Variants in RALGPS1 observed in about 807,000 individuals in gnomAD.
RALGPS1 encodes Ral GEF with PH domain and SH3 binding motif 1, also known as ras-specific guanine nucleotide-releasing factor RalGPS1.
Under a neutral mutation model 78.8 loss-of-function variants are expected in RALGPS1, and 19 were observed. The ratio of observed to expected loss-of-function variants is 0.24; its 90% CI spans 0.17 to 0.35. The LOEUF (loss-of-function observed/expected upper bound fraction) is 0.35, where lower values mean the gene tolerates loss of function less well. Ranked by LOEUF, RALGPS1 falls within the 10% of genes least tolerant of loss-of-function variation. The pLI is 1.00. For missense variants in RALGPS1, 454 were observed against 688.3 expected (o/e 0.66, Z 3.81); for synonymous variants, 228 against 256.3 (o/e 0.89, Z 1.06).
intron 7 of RALGPS1, among the ~76,000 whole-genome samples, chr9:127,056,935 A>T (rs926593455): frequency 3.3e-5 from 5 of 152,160 alleles, no homozygotes; most frequent in Non-Finnish European, 7.3e-5. Context: ...GGGAGACCTC[A>T]TGTGCCACAG....
chr9:126,984,772 A>T (rs1041723327), intron 4 of RALGPS1, among the ~76,000 whole-genome samples: 2 of 152,164 alleles, frequency 1.3e-5, no homozygotes, highest in African/African-American at 2.4e-5. Context: ...GCCCAACAAG[A>T]TCCCCAGGGT....
At chr9:127,054,203 G>A (rs2048526072) in intron 7 of RALGPS1, among the ~76,000 whole-genome samples, 1 of 152,206 alleles carries the variant, frequency 6.6e-6, no homozygotes, top group Non-Finnish European at 1.5e-5. Context: ...CTTAGCAGTT[G>A]CTGCCAGCCC....
intron 10 of RALGPS1, among the ~76,000 whole-genome samples, chr9:127,172,211 G>A (rs1211674191): frequency 6.6e-6 from 1 of 152,220 alleles, no homozygotes; most frequent in Non-Finnish European, 1.5e-5. Context: ...GTCTGTGTTG[G>A]ACTAGACCCG....
chr9:127,153,836 A>C, intron 8 of RALGPS1, among the ~76,000 whole-genome samples: 1 of 152,160 alleles, frequency 6.6e-6, no homozygotes, highest in East Asian at 1.9e-4. Flanking sequence ...AATTGAGTAA[A>C]ATTGCTGCTG....
chr9:127,145,010 A>G (rs1434562443), intron 8 of RALGPS1, among the ~76,000 whole-genome samples: 1 of 152,222 alleles, frequency 6.6e-6, no homozygotes, highest in Non-Finnish European at 1.5e-5. Flanking sequence ...AAAAATAATA[A>G]TAATATAGGT....
At chr9:127,045,148 T>C (rs1260978879) in intron 5 of RALGPS1, among the ~76,000 whole-genome samples, 2 of 152,192 alleles carry the variant, frequency 1.3e-5, no homozygotes, top group African/African-American at 4.8e-5. Context: ...ACACAGTGCA[T>C]TTGTGAACTT....
chr9:126,948,110 C>A (rs1000341597), intron 1 of RALGPS1, among the ~76,000 whole-genome samples: 1 of 152,194 alleles, frequency 6.6e-6, no homozygotes, highest in African/African-American at 2.4e-5. Flanking sequence ...ACTGTGTTAA[C>A]CCTGGGGACA....
At chr9:127,035,950 C>A (rs2046830542) in intron 5 of RALGPS1, among the ~76,000 whole-genome samples, 1 of 151,908 alleles carries the variant, frequency 6.6e-6, no homozygotes, top group Non-Finnish European at 1.5e-5. Flanking sequence ...TCATAGTTTC[C>A]TTAACAAAAC....
At chr9:127,116,557 A>G (rs1027615994) in intron 8 of RALGPS1, among the ~76,000 whole-genome samples, 2 of 152,182 alleles carry the variant, frequency 1.3e-5, no homozygotes, top group East Asian at 1.9e-4. Context: ...GGCAGTGCCT[A>G]GTGTGCTCTG....
intron 1 of RALGPS1, among the ~76,000 whole-genome samples, chr9:126,957,641 C>T (rs1376680500): frequency 5.3e-5 from 8 of 152,166 alleles, no homozygotes; most frequent in Non-Finnish European, 8.8e-5. Flanking sequence ...CTTATACTGC[C>T]TTTGAATCTT....
rs10987568 is a variant in RALGPS1 at position 127,149,625 on chromosome 9, G to A, written c.611-16444G>A. 1.7e-4 allele frequency among the ~76,000 whole-genome samples: 26 copies of A among 152,348 alleles called. No individual in the cohort carries two copies. In the East Asian group the frequency reaches 3.5e-3, roughly 20 times the overall value. ...GACTGGATTAAGGATCACAGAGAGTGGGGACCACACAACTCAGCTCCCAGT... is the reference window on the plus strand; with the variant it reads ...GACTGGATTAAGGATCACAGAGAGTAGGGACCACACAACTCAGCTCCCAGT... On this transcript the variant is annotated intron_variant, in intron 8 of 18. Transcript: ENST00000259351.
rs1000617512 is a variant in RALGPS1 at position 127,218,077 on chromosome 9, G to T, written c.1645-663G>T. On this transcript the variant is annotated intron_variant, in intron 18 of 18. Transcript: ENST00000259351. This position sits in a 1 kb window ranked among gnomAD's most constrained non-coding sequence, Gnocchi z 4.4. ...GACACCAAAATGGATTTTTTTAAAT[G>T]AAATTATTTCTAATCAAATCCTCCC... is the stretch of plus-strand genomic sequence containing the variant. 6.6e-6 allele frequency among the ~76,000 whole-genome samples: 1 copy of T among 152,070 alleles called. No homozygotes were observed. Among genetic ancestry groups the T allele is most frequent in the Non-Finnish European group, 1.5e-5 (1 of 68,008 alleles).
intron 4 of RALGPS1, among the ~76,000 whole-genome samples, chr9:126,993,383 A>G (rs1338236071): frequency 2.0e-5 from 3 of 152,178 alleles, no homozygotes; most frequent in African/African-American, 7.2e-5. Context: ...TATCAGCATA[A>G]TGCTGCCCTC....
At chr9:127,134,231 A>G (rs944950463) in intron 8 of RALGPS1, among the ~76,000 whole-genome samples, 3 of 152,076 alleles carry the variant, frequency 2.0e-5, no homozygotes, top group Admixed American at 6.5e-5. Flanking sequence ...ACTAAATGCA[A>G]TTTAAATCTG....
intron 3 of RALGPS1, among the ~76,000 whole-genome samples, chr9:126,974,668 A>C (rs888920315): frequency 6.6e-6 from 1 of 152,078 alleles, no homozygotes; most frequent in African/African-American, 2.4e-5. Context: ...GCTTGACTGG[A>C]CATCCTATGT....
intron 8 of RALGPS1, chr9:127,079,453 CT>C (rs928326477): frequency 6.6e-6 from 1 of 152,218 alleles, no homozygotes; most frequent in African/African-American, 2.4e-5. Context: ...ATCTCTTCCC[CT>C]TGAGTGTAGG....
intron 8 of RALGPS1, among the ~76,000 whole-genome samples, chr9:127,138,191 T>C (rs2057530271): frequency 6.6e-6 from 1 of 152,202 alleles, no homozygotes; most frequent in South Asian, 2.1e-4. Flanking sequence ...CTGTGTGGTA[T>C]AGCATTCCAA....
intron 11 of RALGPS1, among the ~76,000 whole-genome samples, chr9:127,189,240 TCAAA>T (rs1266513855): frequency 2.0e-5 from 3 of 152,186 alleles, no homozygotes; most frequent in African/African-American, 4.8e-5. Context: ...TTCTCATTCA[TCAAA>T]CAGAGATTGT....
In RALGPS1 at chr9:127,166,150, A is replaced by T. The variant is rs1372611708; in HGVS notation, c.692A>T (p.Asn231Ile). ...GSIMENEQRS[N>I]QMNNILRIIA... is the part of the protein sequence containing the mutation. The stretch of plus-strand genomic sequence containing the variant: ...ATCATGGAAAATGAACAAAGATCCA[A>T]TCAGATGAACAATATTCTTCGAATA... Residue 231 changes from asparagine to isoleucine, a missense_variant, in exon 9 of 19, where the codon AAT becomes ATT. Transcript: ENST00000259351. The T allele has an allele frequency of 2.5e-6, 4 of 1,613,814 alleles. No individual in the cohort carries two copies. In the East Asian group the frequency reaches 8.9e-5, roughly 36 times the overall value.
Sources: gnomAD v4.1 joint callset for allele counts (sites outside exome capture counted in the v4.1 genomes callset) on GRCh38, gnomAD v4.1.1 for gene constraint, Gnocchi (gnomAD v3.1) non-coding constraint, MANE v1.5 for transcripts, NCBI Gene and HGNC (gene_info 2026-07-23, HGNC 2026-07-21) for gene names.